TACC2: variants seen among roughly 807,000 people sequenced by gnomAD.
TACC2 encodes transforming acidic coiled-coil-containing protein 2.
In TACC2, 137 loss-of-function variants were observed where a neutral mutation model predicts 227.3. That is an observed-to-expected ratio of 0.60 (90% confidence interval 0.52 to 0.69). TACC2 has a LOEUF of 0.69. Ranked by LOEUF, TACC2 falls within the 30% of genes least tolerant of loss-of-function variation. TACC2 has a pLI of 0.00. For synonymous variants in TACC2, 1,523 were observed against 1,487.5 expected, an observed-to-expected ratio of 1.02 and a Z score of -0.55; for missense variants, 3,470 against 3,694.4, an observed-to-expected ratio of 0.94 and a Z score of 1.57.
intron 1 of TACC2, among the ~76,000 whole-genome samples, chr10:122,008,195 C>G (rs952375903): frequency 6.6e-6 from 1 of 151,876 alleles, no homozygotes; most frequent in Non-Finnish European, 1.5e-5. Context: ...TTTTTTCCCC[C>G]TAGAAGCCAT....
intron 1 of TACC2, among the ~76,000 whole-genome samples, chr10:122,018,656 C>T (rs993205112): frequency 1.2e-4 from 18 of 152,198 alleles, no homozygotes; most frequent in African/African-American, 3.6e-4. Flanking sequence ...CCTTTTGTGC[C>T]TGGCTTCTTT....
intron 3 of TACC2, among the ~76,000 whole-genome samples, chr10:122,069,213 G>T (rs915701088): frequency 1.3e-5 from 2 of 152,088 alleles, no homozygotes; most frequent in African/African-American, 4.8e-5. Flanking sequence ...GCAACAGCAA[G>T]GCTTACCTCA....
Position 122,141,030 on chromosome 10 carries a change from C to T in TACC2, c.5700-2542C>T, listed in dbSNP as rs77814538. Reference sequence around the variant, plus strand: ...ACAGCAGGATAGCCCAGGAGTCCTGCTCAGAGAGGGCAGATTCCAGAAGGA... The same window carrying T: ...ACAGCAGGATAGCCCAGGAGTCCTGTTCAGAGAGGGCAGATTCCAGAAGGA... On this transcript the variant is annotated intron_variant, in intron 6 of 22. Transcript: ENST00000369005. The surrounding 1 kb of genome is among the most constrained non-coding windows in gnomAD (Gnocchi z 4.3). 2.7e-3 allele frequency among the ~76,000 whole-genome samples: 405 copies of T among 152,246 alleles called. No individual in the cohort carries two copies. Among genetic ancestry groups the T allele is most frequent in the Middle Eastern group, 6.8e-3 (2 of 294 alleles).
chr10:122,067,389 A>C (rs540118582), intron 3 of TACC2, among the ~76,000 whole-genome samples: 26 of 152,114 alleles, frequency 1.7e-4, no homozygotes, highest in African/African-American at 6.3e-4. Context: ...ATTTCCAACA[A>C]AATTCTTACC....
intron 7 of TACC2, among the ~76,000 whole-genome samples, chr10:122,182,323 G>T (rs569480442): frequency 6.6e-6 from 1 of 152,182 alleles, no homozygotes; most frequent in Non-Finnish European, 1.5e-5. Flanking sequence ...CAAAGCTTCA[G>T]GCCTCTGAAG....
chr10:122,207,286 G>A, intron 8 of TACC2, among the ~76,000 whole-genome samples: 1 of 150,102 alleles, frequency 6.7e-6, no homozygotes. Context: ...GTGATGGAAT[G>A]GGACTATTTC....
chr10:122,216,317 C>G (rs1033700527), intron 10 of TACC2, among the ~76,000 whole-genome samples: 1 of 151,962 alleles, frequency 6.6e-6, no homozygotes, highest in Non-Finnish European at 1.5e-5. Flanking sequence ...GTGTGAGCCT[C>G]GCACAGCAGT....
chr10:122,250,063 A>G (rs187058119), intron 22 of TACC2, among the ~76,000 whole-genome samples: 2,373 of 152,352 alleles, frequency 0.016, 33 homozygotes, highest in Non-Finnish European at 0.024. Flanking sequence ...GAACATGAGC[A>G]GTGTCAGGGC....
intron 2 of TACC2, among the ~76,000 whole-genome samples, chr10:122,033,799 C>T (rs545719541): frequency 5.9e-5 from 9 of 152,094 alleles, no homozygotes; most frequent in Non-Finnish European, 1.0e-4. Context: ...CACTAGCCTG[C>T]TCTGAAGTCC....
At chr10:122,042,071 G>A (rs906909361) in intron 2 of TACC2, among the ~76,000 whole-genome samples, 3 of 150,374 alleles carry the variant, frequency 2.0e-5, no homozygotes, top group South Asian at 2.1e-4. Context: ...TCAGCCTCCC[G>A]AGTAGCTGGG....
At chr10:122,000,515 C>CGGCCAGGATTGGCTT (rs1434632419) in intron 1 of TACC2, among the ~76,000 whole-genome samples, 1 of 152,198 alleles carries the variant, frequency 6.6e-6, no homozygotes, top group East Asian at 1.9e-4. Flanking sequence ...GAGATTGACT[C>CGGCCAGGATTGGCTT]GGCCAGGATT....
intron 3 of TACC2, among the ~76,000 whole-genome samples, chr10:122,054,178 G>A (rs1050100940): frequency 1.3e-5 from 2 of 152,196 alleles, no homozygotes; most frequent in African/African-American, 4.8e-5. Context: ...GGAAGAGTGG[G>A]GTCCCATCAA....
At position 122,086,929 on chromosome 10, in the gene TACC2, C is replaced by T. The variant is rs145895228; in HGVS notation, c.4429C>T (p.Gln1477Ter). 5.6e-6 allele frequency: 9 copies of T among 1,613,856 alleles called. No homozygotes were observed. The highest frequency in any genetic ancestry group is 6.8e-6 in the Non-Finnish European group (8 of 1,180,060). Residue 1477 changes from glutamine to a stop codon, truncating the protein, a stop_gained, in exon 4 of 23, where the codon CAG becomes TAG. Coordinates refer to ENST00000369005, the MANE Select transcript of TACC2 (RefSeq NM_206862.4). LOFTEE classifies it high-confidence loss of function. ...TCGACTCCAGGTGGAGAAGAAGCAA[C>T]AGTTGGCTGGAGAGGCTGAGATTTC... ...PARLQVEKKQ[Q>*]LAGEAEISHL...
chr10:122,067,952 T>C (rs1424489091), intron 3 of TACC2, among the ~76,000 whole-genome samples: 1 of 152,250 alleles, frequency 6.6e-6, no homozygotes, highest in Non-Finnish European at 1.5e-5. Flanking sequence ...TCTACACATA[T>C]ATTTGGTTAC....
At chr10:122,164,049 G>T in intron 7 of TACC2, 1 of 1,545,816 alleles carries the variant, frequency 6.5e-7, no homozygotes, top group Non-Finnish European at 8.7e-7. Flanking sequence ...AGGATGCCCG[G>T]GCTTTGTTAG....
At chr10:122,031,658 C>A (rs562475204) in intron 2 of TACC2, among the ~76,000 whole-genome samples, 2 of 152,088 alleles carry the variant, frequency 1.3e-5, no homozygotes, top group South Asian at 4.1e-4. Flanking sequence ...CCGCCTTGGC[C>A]TCCCAAAGTG....
chr10:122,179,343 AT>A (rs887728585), intron 7 of TACC2, among the ~76,000 whole-genome samples: 1 of 152,222 alleles, frequency 6.6e-6, no homozygotes, highest in Non-Finnish European at 1.5e-5. Context: ...TGGCTCTGAC[AT>A]TTTTGTTACT....
At chr10:122,063,624 A>C (rs886679928) in intron 3 of TACC2, among the ~76,000 whole-genome samples, 6 of 152,132 alleles carry the variant, frequency 3.9e-5, no homozygotes. Flanking sequence ...CGAAGAGTGC[A>C]GAGTGGAGAG....
intron 1 of TACC2, among the ~76,000 whole-genome samples, chr10:121,998,204 C>T (rs933322439): frequency 6.6e-5 from 10 of 150,658 alleles, no homozygotes; most frequent in Admixed American, 2.0e-4. Flanking sequence ...CCCAGCTACT[C>T]GGGAGGCTGA....
Sources: gnomAD v4.1 joint callset for allele counts (sites outside exome capture counted in the v4.1 genomes callset) on GRCh38, gnomAD v4.1.1 for gene constraint, Gnocchi (gnomAD v3.1) non-coding constraint, MANE v1.5 for transcripts, NCBI Gene and HGNC (gene_info 2026-07-23, HGNC 2026-07-21) for gene names.